NDUFV1: variants seen among roughly 807,000 people sequenced by gnomAD.
NDUFV1 encodes NADH dehydrogenase [ubiquinone] flavoprotein 1, mitochondrial.
In NDUFV1, 41 loss-of-function variants were observed where a neutral mutation model predicts 48.7. The observed-to-expected ratio is 0.84, with a 90% CI of 0.66 to 1.09. NDUFV1 has a LOEUF of 1.09. Among genes scored for constraint, NDUFV1 ranks in the 50% least tolerant of loss-of-function variants. The pLI is 0.00. For synonymous variants in NDUFV1, 231 were observed against 259.1 expected, an observed-to-expected ratio of 0.89 and a Z score of 1.04; for missense variants, 580 against 645.4, an observed-to-expected ratio of 0.90 and a Z score of 1.10.
In NDUFV1 at chr11:67,611,724, G is replaced by A; in HGVS notation, c.1080+155G>A. The A allele has an allele frequency of 1.4e-6, 2 of 1,387,334 alleles. No homozygotes were observed. The highest frequency in any genetic ancestry group is 2.9e-5 in the African/African-American group (2 of 70,068). 85.9% of individuals were successfully genotyped at this position (1,387,334 alleles called of 1,614,324 possible). ...GAGGAGGGAGGAAGGCTGCTCTGAG[G>A]AGAATACCCCGGAGTCTGGGCAGCA... On this transcript the variant is annotated intron_variant, in intron 7 of 9. Transcript: ENST00000322776. The surrounding 1 kb of genome is among the most constrained non-coding windows in gnomAD (Gnocchi z 4.2).
Position 67,611,026 on chromosome 11 carries a change from C to T in NDUFV1, c.732C>T (p.Asn244=), listed in dbSNP as rs565640543. The change falls in exon 6 of 10, where the codon AAC becomes AAT. Residue 244 remains asparagine, a synonymous_variant. Transcript: ENST00000322776. This position sits in a 1 kb window ranked among gnomAD's most constrained non-coding sequence, Gnocchi z 4.2. The part of the protein sequence containing the change: ...GVFGCPTTVA[N]VETVAVSPTI... ...TTGGCTGCCCCACAACTGTGGCCAA[C>T]GTGGAGACAGTGGCAGTGTCCCCCA... is the stretch of plus-strand genomic sequence containing the variant. 82 of 1,614,238 alleles carry T rather than the reference C, an allele frequency of 5.1e-5. No homozygotes were observed. The East Asian group carries it at 1.5e-3, about 29-fold the overall frequency.
rs1292438559 is a variant in NDUFV1, at chr11:67,612,202, C to G, written c.1245C>G (p.Ile415Met). 2 of 1,613,660 alleles carry G rather than the reference C, an allele frequency of 1.2e-6. No individual in the cohort carries two copies. The highest frequency in any genetic ancestry group is 1.7e-6 in the Non-Finnish European group (2 of 1,179,934). The change falls in exon 9 of 10, where the codon ATC (isoleucine) becomes ATG (methionine). Residue 415 changes from isoleucine to methionine, a missense_variant. Coordinates refer to ENST00000322776, the MANE Select transcript of NDUFV1 (RefSeq NM_007103.4). The surrounding 1 kb of genome is among the most constrained non-coding windows in gnomAD (Gnocchi z 4.4). ...RPAEIDSLWE[I>M]SKQIEGHTIC... ...CCGAGATCGACTCCCTGTGGGAGATCAGCAAGCAGATAGAAGGCCATACGA... is the reference window on the plus strand; with the variant it reads ...CCGAGATCGACTCCCTGTGGGAGATGAGCAAGCAGATAGAAGGCCATACGA...
chr11:67,612,114 C>A lies in NDUFV1; in HGVS notation c.1163-6C>A. ...ATCAGGCCCTCTCTTGTGGCTGTGG[C>A]TGCAGGTGTGGACTGGATGAACAAG... On this transcript the variant is annotated splice_region_variant and splice_polypyrimidine_tract_variant and intron_variant, in intron 8 of 9. Coordinates refer to ENST00000322776, the MANE Select transcript of NDUFV1 (RefSeq NM_007103.4). This position sits in a 1 kb window ranked among gnomAD's most constrained non-coding sequence, Gnocchi z 4.4. The A allele has an allele frequency of 1.2e-6, 2 of 1,613,752 alleles. No homozygotes were observed. Among genetic ancestry groups the A allele is most frequent in the Non-Finnish European group, 1.7e-6 (2 of 1,179,960 alleles).
In NDUFV1 at chr11:67,611,867, G is replaced by A; in HGVS notation, c.1081-30G>A. The A allele has an allele frequency of 1.2e-6, 2 of 1,612,502 alleles. No homozygotes were observed. Among genetic ancestry groups the A allele is most frequent in the Non-Finnish European group, 1.7e-6 (2 of 1,178,744 alleles). ...AGGCCCAGGCTTCTGTCTGGCCGTGGGTGCCTGCTAATTGCCCCTCGTCAC... is the reference window on the plus strand; with the variant it reads ...AGGCCCAGGCTTCTGTCTGGCCGTGAGTGCCTGCTAATTGCCCCTCGTCAC... On this transcript the variant is annotated intron_variant, in intron 7 of 9. Coordinates refer to ENST00000322776, the MANE Select transcript of NDUFV1 (RefSeq NM_007103.4). This position sits in a 1 kb window ranked among gnomAD's most constrained non-coding sequence, Gnocchi z 4.2.
rs1345000220 is a variant in NDUFV1, at chr11:67,611,009, C to A, written c.715C>A (p.Pro239Thr). Residue 239 changes from proline (P) to threonine (T), a missense_variant, in exon 6 of 10, where the codon CCC (proline) becomes ACC (threonine). Pro to Thr is a conservative substitution (Grantham distance 38). Transcript: ENST00000322776. This position sits in a 1 kb window ranked among gnomAD's most constrained non-coding sequence, Gnocchi z 4.2. ...FPADVGVFGCPTTVANVETVA... is the reference protein window; with the variant it reads ...FPADVGVFGCTTTVANVETVA... The stretch of plus-strand genomic sequence containing the variant: ...TTTCCCTGAAGGAGTGTTTGGCTGC[C>A]CCACAACTGTGGCCAACGTGGAGAC... 3 of 1,614,238 alleles carry A rather than the reference C, an allele frequency of 1.9e-6. No homozygotes were observed. Among genetic ancestry groups the A allele is most frequent in the Non-Finnish European group, 2.5e-6 (3 of 1,180,036 alleles).
In NDUFV1 at chr11:67,611,489, A is replaced by G. The variant is rs989795042; in HGVS notation, c.1000A>G (p.Thr334Ala). The change falls in exon 7 of 10, where the codon ACG becomes GCG. Residue 334 changes from threonine to alanine, a missense_variant. By Grantham distance (58) the Thr-to-Ala change is moderately conservative. Coordinates refer to ENST00000322776, the MANE Select transcript of NDUFV1 (RefSeq NM_007103.4). The surrounding 1 kb of genome is among the most constrained non-coding windows in gnomAD (Gnocchi z 4.2). Reference protein sequence around the residue: ...TPLIPKSVCETVLMDFDALVQ... With the variant: ...TPLIPKSVCEAVLMDFDALVQ... ...ACTGATCCCCAAGTCTGTGTGTGAG[A>G]CGGTGCTGATGGACTTCGATGCGCT... 2 of 1,613,776 alleles carry G rather than the reference A, an allele frequency of 1.2e-6. No homozygotes were observed. The highest frequency in any genetic ancestry group is 1.3e-5 in the African/African-American group (1 of 74,852).
chr11:67,611,726 G>A lies in NDUFV1; in HGVS notation c.1080+157G>A. On this transcript the variant is annotated intron_variant, in intron 7 of 9. Transcript: ENST00000322776. The surrounding 1 kb of genome is among the most constrained non-coding windows in gnomAD (Gnocchi z 4.2). Reference sequence around the variant, plus strand: ...GGAGGGAGGAAGGCTGCTCTGAGGAGAATACCCCGGAGTCTGGGCAGCACA... The same window carrying A: ...GGAGGGAGGAAGGCTGCTCTGAGGAAAATACCCCGGAGTCTGGGCAGCACA... The A allele has an allele frequency of 7.2e-7, 1 of 1,379,920 alleles. No individual in the cohort carries two copies. Among genetic ancestry groups the A allele is most frequent in the Non-Finnish European group, 1.0e-6 (1 of 1,000,070 alleles). The allele number at this position is 1,379,920 out of a possible 1,614,324, so 85.5% of individuals were successfully genotyped here. A position where few individuals can be genotyped will look rare whatever the true frequency, so the allele number is the denominator to read the frequency against.
chr11:67,610,028 A>G (rs1024715462), intron 4 of NDUFV1: 13 of 351,848 alleles, frequency 3.7e-5, no homozygotes, highest in Non-Finnish European at 6.7e-5. Flanking sequence ...GGAAATATAG[A>G]AAAATAAAAT....
intron 4 of NDUFV1, chr11:67,609,860 TATA>T: frequency 3.9e-6 from 2 of 513,448 alleles, no homozygotes; most frequent in Non-Finnish European, 6.8e-6. Context: ...GCTTCAAAAA[TATA>T]GTATTTTTTA....
intron 3 of NDUFV1, among the ~76,000 whole-genome samples, chr11:67,609,035 T>C (rs1040506300): frequency 6.6e-6 from 1 of 152,194 alleles, no homozygotes; most frequent in African/African-American, 2.4e-5. Flanking sequence ...TACAGTGATA[T>C]CATGCAAGGA....
intron 1 of NDUFV1, 139 bp downstream of exon 1, chr11:67,607,215 G>T (rs938778139): frequency 3.6e-5 from 36 of 994,434 alleles, no homozygotes; most frequent in Non-Finnish European, 4.9e-5. Context: ...CCCCCGCTCC[G>T]GCCTGGTTGA....
intron 1 of NDUFV1, 29 bp downstream of exon 1, chr11:67,607,105 G>A (rs554708420): frequency 1.3e-6 from 2 of 1,595,786 alleles, no homozygotes; most frequent in African/African-American, 2.7e-5. Flanking sequence ...GGGGCCACGG[G>A]TGTTTGGGGC....
At chr11:67,610,341 G>A (rs1409194707) in intron 4 of NDUFV1, 40 bp from the exon 5 acceptor site, 5 of 1,586,512 alleles carry the variant, frequency 3.2e-6, no homozygotes, top group Non-Finnish European at 4.2e-6. Flanking sequence ...TGACTCCTGG[G>A]CTGGGGGTGG....
Position 67,608,490 on chromosome 11 carries a change from C to T in NDUFV1, c.155+12C>T, listed in dbSNP as rs199963966. The T allele has an allele frequency of 7.1e-5, 115 of 1,614,164 alleles. No individual in the cohort carries two copies. The African/African-American group carries it at 1.4e-3, about 20-fold the overall frequency. On this transcript the variant is annotated intron_variant, in intron 2 of 9. Coordinates refer to ENST00000322776, the MANE Select transcript of NDUFV1 (RefSeq NM_007103.4). ...CGCCATGACTGGAGGTGAGACAGTG[C>T]CCTTAGTGTGTTGGGTCCCGGAGCA...
chr11:67,608,273 T>C (rs1854847098), intron 1 of NDUFV1, 123 bp from the exon 2 acceptor site: 7 of 904,832 alleles, frequency 7.7e-6, no homozygotes, highest in Middle Eastern at 2.6e-4. Flanking sequence ...TATGATGCTA[T>C]AGATGCTTCC....
At position 67,611,247 on chromosome 11, in the gene NDUFV1, G is replaced by A. The variant is rs752898815; in HGVS notation, c.913+40G>A. On this transcript the variant is annotated intron_variant, in intron 6 of 9. Transcript: ENST00000322776. This position sits in a 1 kb window ranked among gnomAD's most constrained non-coding sequence, Gnocchi z 4.2. ...CAGCCAGGTGGTGGGGGGGTGCGCA[G>A]TGGGGGCAGGTGTCCACAAAGAGAG... 12 of 1,590,504 alleles carry A rather than the reference G, an allele frequency of 7.5e-6. No individual in the cohort carries two copies. Among genetic ancestry groups the A allele is most frequent in the Non-Finnish European group, 6.9e-6 (8 of 1,159,694 alleles).
chr11:67,608,204 CA>C (rs1854845570), intron 1 of NDUFV1, 191 bp from the exon 2 acceptor site: 1 of 614,170 alleles, frequency 1.6e-6, no homozygotes, highest in Non-Finnish European at 2.8e-6. Context: ...CCAGCCTAGG[CA>C]AAAGAGCAAG....
At chr11:67,609,792 G>T in intron 4 of NDUFV1, 157 bp downstream of exon 4, 1 of 826,446 alleles carries the variant, frequency 1.2e-6, no homozygotes. Flanking sequence ...AATGGGACTT[G>T]GCTCCCAAAG....
rs755804704 is a variant in NDUFV1 at position 67,610,452 on chromosome 11, C to T, written c.582C>T (p.Asp194=). 2.1e-5 allele frequency: 34 copies of T among 1,614,044 alleles called. No individual in the cohort carries two copies. The highest frequency in any genetic ancestry group is 1.5e-4 in the Admixed American group (9 of 60,008). The change falls in exon 5 of 10, where the codon GAC becomes GAT. Residue 194 remains aspartate (D), a synonymous_variant. Transcript: ENST00000322776. Reference sequence around the variant, plus strand: ...CTTGTGGCTCTGGCTATGATTTTGACGTGTTTGTGGTGCGCGGGGCTGGGG... The same window carrying T: ...CTTGTGGCTCTGGCTATGATTTTGATGTGTTTGTGGTGCGCGGGGCTGGGG... ...KNACGSGYDF[D]VFVVRGAGAY...
Sources: gnomAD v4.1 joint callset for allele counts (sites outside exome capture counted in the v4.1 genomes callset) on GRCh38, gnomAD v4.1.1 for gene constraint, Gnocchi (gnomAD v3.1) non-coding constraint, MANE v1.5 for transcripts, NCBI Gene and HGNC (gene_info 2026-07-23, HGNC 2026-07-21) for gene names.